The following GNLY variants were observed in gnomAD, a reference collection of about 807,000 sequenced individuals.
GNLY encodes the protein T-cell activation protein 519.
GNLY carries 15 observed loss-of-function variants against 18.5 expected under a neutral mutation model. The observed-to-expected ratio is 0.81, with a 90% CI of 0.54 to 1.25. The LOEUF (loss-of-function observed/expected upper bound fraction) is 1.25. Among genes scored for constraint, GNLY ranks in the 50% most tolerant of loss-of-function variants. The pLI is 0.00. For missense variants in GNLY, 178 were observed against 186.9 expected (o/e 0.95, Z 0.28); for synonymous variants, 77 against 74.9 (o/e 1.03, Z -0.14).
chr2:85,695,427 CGT>C lies in GNLY; in HGVS notation c.156+7_156+8del, dbSNP rs1558587984. 1 of 1,551,832 alleles carries C rather than the reference CGT, an allele frequency of 6.4e-7. No homozygotes were observed. Among genetic ancestry groups the C allele is most frequent in the African/African-American group, 1.4e-5 (1 of 73,726 alleles). On this transcript the variant is annotated splice_donor_5th_base_variant and intron_variant, in intron 2 of 4. Transcript: ENST00000263863. Reference sequence around the variant, plus strand: ...CCTGGCCCAGGAGGGCCCCCAGGTACGTGTTGGCTCTCTGCTCACCTGCCACA... The same window carrying C: ...CCTGGCCCAGGAGGGCCCCCAGGTACGTTGGCTCTCTGCTCACCTGCCACA...
chr2:85,695,134 G>A lies in GNLY; in HGVS notation c.53-186G>A, dbSNP rs528760040. 13 of 936,274 alleles carry A rather than the reference G, an allele frequency of 1.4e-5. No homozygotes were observed. The East Asian group carries it at 2.6e-4, about 19-fold the overall frequency. The allele number at this position is 936,274 out of a possible 1,614,324, so 58.0% of individuals were successfully genotyped here. ...CTTTCTAGAAGGAACGTGAGAACAC[G>A]TGTTTGTGCTGAGAGTGGGTCAGAG... On this transcript the variant is annotated intron_variant, in intron 1 of 4. Transcript: ENST00000263863.
chr2:85,694,976 G>A, intron 1 of GNLY: 1 of 1,594,430 alleles, frequency 6.3e-7, no homozygotes, highest in Non-Finnish European at 8.5e-7. Context: ...AGTGGATTTG[G>A]CTGGGCCATC....
intron 4 of GNLY, chr2:85,698,320 T>G: frequency 2.8e-6 from 2 of 707,124 alleles, no homozygotes; most frequent in South Asian, 1.5e-5. Context: ...CACTTGCCAA[T>G]GCTCTGGGAT....
Position 85,695,956 on chromosome 2 carries a change from A to G in GNLY, c.157-2A>G. The G allele has an allele frequency of 6.3e-7, 1 of 1,582,578 alleles. No homozygotes were observed. Among genetic ancestry groups the G allele is most frequent in the South Asian group, 1.1e-5 (1 of 90,304 alleles). ...CATCATAAGGGCTTTCTTTCCTGAC[A>G]GGGTGACCTGTTGACCAAAACACAG... On this transcript the variant is annotated splice_acceptor_variant, in intron 2 of 4. Coordinates refer to ENST00000263863, the MANE Select transcript of GNLY (RefSeq NM_006433.5). LOFTEE classifies it high-confidence loss of function.
At chr2:85,698,317 CA>C (rs1223372085) in intron 4 of GNLY, 1 of 704,624 alleles carries the variant, frequency 1.4e-6, no homozygotes, top group Admixed American at 2.0e-5. Flanking sequence ...TGGCACTTGC[CA>C]ATGCTCTGGG....
At position 85,696,246 on chromosome 2, in the gene GNLY, TCTGGAA is replaced by T. The variant is rs993836809; in HGVS notation, c.255+194_255+199del. The T allele has an allele frequency of 8.5e-6, 5 of 587,426 alleles. No individual in the cohort carries two copies. In the African/African-American group the frequency reaches 9.3e-5, roughly 11 times the overall value. The allele number at this position is 587,426 out of a possible 1,614,324, so 36.4% of individuals were successfully genotyped here. On this transcript the variant is annotated intron_variant, in intron 3 of 4. Transcript: ENST00000263863. Reference sequence around the variant, plus strand: ...CAGAGAACTTGTGAAATTGTGACTCTCTGGAACTGTGTAAGTCAGACGGCAGAGTAT... The same window carrying T: ...CAGAGAACTTGTGAAATTGTGACTCTCTGTGTAAGTCAGACGGCAGAGTAT...
chr2:85,698,565 T>A lies in GNLY; in HGVS notation c.429T>A (p.Gly143=), dbSNP rs1395533286. The change falls in exon 5 of 5, where the codon GGT becomes GGA. Residue 143 remains glycine (G), a splice_region_variant and synonymous_variant. Coordinates refer to ENST00000263863, the MANE Select transcript of GNLY (RefSeq NM_006433.5). ...EDLRLCIPST[G]PL is the part of the protein sequence containing the mutation. ...AGCTGGCTGTTCTCTCCTCTCCAGG[T>A]CCCCTCTGAGCCCTCTCACCTTGTC... is the stretch of plus-strand genomic sequence containing the variant. 12 of 1,612,840 alleles carry A rather than the reference T, an allele frequency of 7.4e-6. No homozygotes were observed. The Admixed American group carries it at 2.0e-4, about 27-fold the overall frequency.
intron 1 of GNLY, 58 bp from the exon 2 acceptor site, chr2:85,695,250 CCAGCCAGGAGAA>C: frequency 8.7e-7 from 1 of 1,145,986 alleles, no homozygotes; most frequent in Non-Finnish European, 1.3e-6. Context: ...TGGACTCCCA[CCAGCCAGGAGAA>C]CGGGCTTTCC....
intron 1 of GNLY, chr2:85,695,013 C>T (rs771145063): frequency 6.3e-7 from 1 of 1,583,782 alleles, no homozygotes. Context: ...AAAGAAAATC[C>T]CTTGAAAGGA....
chr2:85,694,509 C>A (rs1223573792), intron 1 of GNLY, 39 bp downstream of exon 1: 2 of 1,590,612 alleles, frequency 1.3e-6, no homozygotes, highest in Admixed American at 3.3e-5. Flanking sequence ...GATGGCCCAC[C>A]CAGCCTCGCA....
chr2:85,694,411 GC>G lies in GNLY; in HGVS notation c.-4del. 6.2e-7 allele frequency: 1 copy of G among 1,613,900 alleles called. No homozygotes were observed. The highest frequency in any genetic ancestry group is 8.5e-7 in the Non-Finnish European group (1 of 1,179,820). ...GGGTGTGAAAGGCATCTCAGCGGCT[GC>G]CCCACCATGGCTACCTGGGCCCTCC... On this transcript the variant is annotated 5_prime_UTR_variant, in exon 1 of 5. Transcript: ENST00000263863.
chr2:85,697,260 G>A, intron 3 of GNLY: 1 of 493,058 alleles, frequency 2.0e-6, no homozygotes, highest in East Asian at 3.6e-5. Context: ...GGTGCACAAG[G>A]CGCTGAGACC....
chr2:85,694,940 A>G (rs1678380985), intron 1 of GNLY: 1 of 1,584,678 alleles, frequency 6.3e-7, no homozygotes, highest in Non-Finnish European at 8.6e-7. Flanking sequence ...GTGAGCCCCA[A>G]GGGCAAGAAC....
chr2:85,697,699 G>A (rs1279243914), intron 4 of GNLY, 22 bp downstream of exon 4: 12 of 1,556,018 alleles, frequency 7.7e-6, no homozygotes, highest in Non-Finnish European at 1.1e-5. Flanking sequence ...GGTGACAGCA[G>A]GGATACCTCC....
At chr2:85,694,968 T>A (rs1558587489) in intron 1 of GNLY, 1 of 1,592,568 alleles carries the variant, frequency 6.3e-7, no homozygotes. Flanking sequence ...GAAGGGAGAG[T>A]GGATTTGGCT....
At position 85,696,019 on chromosome 2, in the gene GNLY, T is replaced by C. The variant is rs1377294693; in HGVS notation, c.218T>C (p.Val73Ala). 1 of 1,611,108 alleles carries C rather than the reference T, an allele frequency of 6.2e-7. No homozygotes were observed. The highest frequency in any genetic ancestry group is 8.5e-7 in the Non-Finnish European group (1 of 1,177,592). The change falls in exon 3 of 5, where the codon GTC becomes GCC. Residue 73 changes from valine to alanine, a missense_variant. Val to Ala is a moderately conservative substitution (Grantham distance 64). Transcript: ENST00000263863. Reference sequence around the variant, plus strand: ...GACTACAGGACCTGTCTGACGATAGTCCAAAAACTGAAGAAGATGGTGGAT... The same window carrying C: ...GACTACAGGACCTGTCTGACGATAGCCCAAAAACTGAAGAAGATGGTGGAT... ...GRDYRTCLTIVQKLKKMVDKP... is the reference protein window; with the variant it reads ...GRDYRTCLTIAQKLKKMVDKP...
chr2:85,697,658 G>A lies in GNLY; in HGVS notation c.408G>A (p.Arg136=). 6.2e-7 allele frequency: 1 copy of A among 1,613,322 alleles called. No individual in the cohort carries two copies. The highest frequency in any genetic ancestry group is 2.2e-5 in the East Asian group (1 of 44,874). The change falls in exon 4 of 5, where the codon AGG becomes AGA. Residue 136 remains arginine (R), a synonymous_variant. Coordinates refer to ENST00000263863, the MANE Select transcript of GNLY (RefSeq NM_006433.5). ...ETAQQICEDL[R]LCIPSTGPL is the part of the protein sequence containing the mutation. ...CCCAGCAGATCTGTGAGGACCTCAG[G>A]TTGTGTATACCTTCTACAGGTGAGT...
intron 2 of GNLY, 48 bp from the exon 3 acceptor site, chr2:85,695,910 C>T (rs1444497290): frequency 2.7e-6 from 3 of 1,120,404 alleles, no homozygotes; most frequent in Admixed American, 1.8e-5. Context: ...CTTTCACGCG[C>T]TCCCAGAGTG....
Position 85,698,569 on chromosome 2 carries a change from C to G in GNLY, c.433C>G (p.Leu145Val). 1 of 1,613,390 alleles carries G rather than the reference C, an allele frequency of 6.2e-7. No homozygotes were observed. Among genetic ancestry groups the G allele is most frequent in the Non-Finnish European group, 8.5e-7 (1 of 1,179,496 alleles). The change falls in exon 5 of 5, where the codon CTC becomes GTC. Residue 145 changes from leucine to valine, a missense_variant. Coordinates refer to ENST00000263863, the MANE Select transcript of GNLY (RefSeq NM_006433.5). ...GGCTGTTCTCTCCTCTCCAGGTCCCCTCTGAGCCCTCTCACCTTGTCCTGT... is the reference window on the plus strand; with the variant it reads ...GGCTGTTCTCTCCTCTCCAGGTCCCGTCTGAGCCCTCTCACCTTGTCCTGT... ...LRLCIPSTGP[L>V]
Sources: gnomAD v4.1 joint callset for allele counts on GRCh38, gnomAD v4.1.1 for gene constraint, MANE v1.5 for transcripts, NCBI Gene and HGNC (gene_info 2026-07-23, HGNC 2026-07-21) for gene names.